Variants in LARGE1 observed in about 807,000 individuals in gnomAD.
LARGE1 encodes the protein xylosyl- and glucuronyltransferase LARGE1.
A neutral mutation model predicts 87.6 loss-of-function variants in LARGE1; 43 were observed. That is an observed-to-expected ratio of 0.49 (90% CI 0.38 to 0.63). The LOEUF (loss-of-function observed/expected upper bound fraction) is 0.63. LARGE1 is among the 30% of genes least tolerant of loss of function. LARGE1 has a pLI of 0.00. For missense variants in LARGE1, 802 were observed against 1,000.2 expected (o/e 0.80, Z 2.67); for synonymous variants, 434 against 394.6 (o/e 1.10, Z -1.18).
chr22:33,882,053 T>G (rs1022771510), intron 1 of LARGE1, among the ~76,000 whole-genome samples: 1 of 150,764 alleles, frequency 6.6e-6, no homozygotes, highest in Non-Finnish European at 1.5e-5. Flanking sequence ...TTGTTTTTTT[T>G]TTTTTTTGAG....
chr22:33,110,870 G>A, the LARGE1 span, among the ~76,000 whole-genome samples: 16 of 151,982 alleles, frequency 1.1e-4, no homozygotes, highest in Non-Finnish European at 1.9e-4. Context: ...CTTTTCTGTT[G>A]GCCTATTTCT....
downstream of LARGE1, among the ~76,000 whole-genome samples, chr22:33,269,678 A>G (rs4821140): frequency 0.53 from 81,053 of 151,888 alleles, 24,787 homozygotes; most frequent in African/African-American, 0.84. Context: ...GAACTGCCTG[A>G]CATTTTTTCA....
At chr22:33,772,818 G>A (rs955687153) in intron 1 of LARGE1, among the ~76,000 whole-genome samples, 7 of 150,866 alleles carry the variant, frequency 4.6e-5, no homozygotes, top group Non-Finnish European at 7.4e-5. Context: ...ATATCCAGAC[G>A]CATGGGAAGC....
At chr22:33,718,722 TA>T (rs1349613256) in intron 2 of LARGE1, among the ~76,000 whole-genome samples, 2 of 152,270 alleles carry the variant, frequency 1.3e-5, no homozygotes, top group African/African-American at 4.8e-5. Flanking sequence ...GTGATACTGA[TA>T]ATCCTGAACC....
chr22:33,387,102 TCAAAAAACAAAAAA>T (rs147739985), intron 7 of LARGE1, among the ~76,000 whole-genome samples: 13 of 143,302 alleles, frequency 9.1e-5, no homozygotes, highest in East Asian at 2.0e-4. Context: ...AGACTCCATC[TCAAAAAACAAAAAA>T]CAAAAAACAA....
chr22:33,611,596 T>A (rs1247493105), intron 4 of LARGE1, among the ~76,000 whole-genome samples: 1 of 152,208 alleles, frequency 6.6e-6, no homozygotes, highest in East Asian at 1.9e-4. Flanking sequence ...AAGGAACTCA[T>A]CTTCAGATGG....
At position 33,761,462 on chromosome 22, in the gene LARGE1, G is replaced by A. The variant is rs757004738; in HGVS notation, c.15C>T (p.Cys5=). ...CAGCCAAGAATTTCCGTCTCCCCCT[G>A]CAGATTCCCAGCATCCTCTCAGAAG... The part of the protein sequence containing the change: MLGI[C]RGRRKFLAAS... The change falls in exon 2 of 15, where the codon TGC becomes TGT. Residue 5 remains cysteine, a synonymous_variant. Transcript: ENST00000397394. 1.2e-6 allele frequency: 2 copies of A among 1,613,792 alleles called. No homozygotes were observed. The highest frequency in any genetic ancestry group is 4.5e-5 in the East Asian group (2 of 44,822).
intron 6 of LARGE1, among the ~76,000 whole-genome samples, chr22:33,547,793 C>CAAAAAAA (rs57220257): frequency 2.2e-4 from 8 of 35,748 alleles, no homozygotes; most frequent in African/African-American, 5.7e-4. Flanking sequence ...GACTCCATCT[C>CAAAAAAA]AAAAAAAAAA....
chr22:33,517,920 T>C (rs190910134), intron 6 of LARGE1, among the ~76,000 whole-genome samples: 59 of 152,332 alleles, frequency 3.9e-4, no homozygotes, highest in Non-Finnish European at 8.8e-5. Flanking sequence ...CAGACAGCAG[T>C]GAGCAGGACT....
intron 6 of LARGE1, among the ~76,000 whole-genome samples, chr22:33,545,891 C>T (rs1052682382): frequency 6.6e-6 from 1 of 152,164 alleles, no homozygotes; most frequent in African/African-American, 2.4e-5. Context: ...CCCTGGACAC[C>T]CATTTTAACC....
At chr22:33,859,059 AG>A (rs1362658917) in intron 1 of LARGE1, among the ~76,000 whole-genome samples, 1 of 151,750 alleles carries the variant, frequency 6.6e-6, no homozygotes, top group African/African-American at 2.4e-5. Context: ...GGGCTAGGGG[AG>A]GGATAACATT....
At chr22:33,193,447 A>G (rs1338029151) in intron 11 of LARGE1, among the ~76,000 whole-genome samples, 3 of 152,200 alleles carry the variant, frequency 2.0e-5, no homozygotes, top group African/African-American at 7.2e-5. Context: ...GCAGAGATAG[A>G]TATAAGAAAT....
At chr22:33,644,875 A>G (rs1466191812) in intron 3 of LARGE1, among the ~76,000 whole-genome samples, 1 of 152,114 alleles carries the variant, frequency 6.6e-6, no homozygotes, top group Non-Finnish European at 1.5e-5. Flanking sequence ...GACCTCTTCA[A>G]GAACTACAAA....
the LARGE1 span, among the ~76,000 whole-genome samples, chr22:33,126,187 G>A: frequency 6.6e-6 from 1 of 152,202 alleles, no homozygotes; most frequent in Non-Finnish European, 1.5e-5. Flanking sequence ...GATGGATTTA[G>A]GACACGGCTG....
intron 2 of LARGE1, among the ~76,000 whole-genome samples, chr22:33,676,298 C>T (rs796580025): frequency 3.1e-5 from 4 of 127,888 alleles, no homozygotes; most frequent in African/African-American, 8.6e-5. Context: ...TCACCAACCA[C>T]ATCAAATTAT....
intron 1 of LARGE1, among the ~76,000 whole-genome samples, chr22:33,885,473 GA>G (rs1381930537): frequency 6.6e-6 from 1 of 152,100 alleles, no homozygotes. Flanking sequence ...ACAAAAATAG[GA>G]ATGTTTATCT....
chr22:33,492,385 G>T (rs979298008), intron 6 of LARGE1, among the ~76,000 whole-genome samples: 2 of 152,174 alleles, frequency 1.3e-5, no homozygotes, highest in African/African-American at 4.8e-5. Context: ...GCAAAGGAGT[G>T]GGGGGACTAC....
At chr22:33,901,130 G>C (rs905752046) in intron 1 of LARGE1, among the ~76,000 whole-genome samples, 2 of 152,124 alleles carry the variant, frequency 1.3e-5, no homozygotes, top group African/African-American at 4.8e-5. Flanking sequence ...GAAGAAAATA[G>C]CTATGTGACT....
At chr22:33,900,325 C>T (rs1386399226) in intron 1 of LARGE1, among the ~76,000 whole-genome samples, 1 of 152,202 alleles carries the variant, frequency 6.6e-6, no homozygotes. Context: ...TTCCACCAAA[C>T]ACACAGCTCA....
Sources: allele counts gnomAD v4.1 joint callset (sites outside exome capture counted in the v4.1 genomes callset), GRCh38; gene constraint gnomAD v4.1.1; transcripts MANE v1.5; gene names NCBI Gene and HGNC (gene_info 2026-07-23, HGNC 2026-07-21).